Variants in ADAMTS19 observed in about 807,000 individuals in gnomAD.
ADAMTS19 encodes the protein A disintegrin and metalloproteinase with thrombospondin motifs 19.
A neutral mutation model predicts 153.3 loss-of-function variants in ADAMTS19; 93 were observed. The observed-to-expected ratio is 0.61, with a 90% CI of 0.51 to 0.72. ADAMTS19 has a LOEUF of 0.72. ADAMTS19 is among the 30% of genes least tolerant of loss of function. The pLI, the probability that ADAMTS19 is intolerant of heterozygous loss-of-function variation, is 0.00. For missense variants in ADAMTS19, 1,482 were observed against 1,552.1 expected, an observed-to-expected ratio of 0.95 and a Z score of 0.76; for synonymous variants, 600 against 556.6, an observed-to-expected ratio of 1.08 and a Z score of -1.10.
intron 2 of ADAMTS19, among the ~76,000 whole-genome samples, chr5:129,504,219 G>A (rs1751197202): frequency 6.6e-6 from 1 of 152,054 alleles, no homozygotes; most frequent in African/African-American, 2.4e-5. Context: ...TCCTCTATAA[G>A]GAGCATCCTT....
intron 8 of ADAMTS19, among the ~76,000 whole-genome samples, chr5:129,598,673 C>T (rs1422434095): frequency 6.6e-6 from 1 of 152,076 alleles, no homozygotes; most frequent in Non-Finnish European, 1.5e-5. Flanking sequence ...TAAGCATTAC[C>T]TCACATATTT....
At chr5:129,725,263 T>C (rs571310018) in intron 21 of ADAMTS19, among the ~76,000 whole-genome samples, 2 of 152,218 alleles carry the variant, frequency 1.3e-5, no homozygotes, top group African/African-American at 4.8e-5. Context: ...AGTGTGCAGT[T>C]TGACCTTTTG....
At chr5:129,632,865 T>A (rs1281818264) in intron 10 of ADAMTS19, among the ~76,000 whole-genome samples, 2 of 152,090 alleles carry the variant, frequency 1.3e-5, no homozygotes, top group African/African-American at 4.8e-5. Context: ...TGTGTCTACA[T>A]ATAATTTACT....
At chr5:129,540,704 A>T (rs1752626416) in intron 6 of ADAMTS19, among the ~76,000 whole-genome samples, 5 of 152,112 alleles carry the variant, frequency 3.3e-5, no homozygotes, top group Admixed American at 3.3e-4. Flanking sequence ...TTATAGGTAT[A>T]TCCCCAGGCA....
At chr5:129,463,140 T>C (rs558748892) in intron 2 of ADAMTS19, among the ~76,000 whole-genome samples, 38 of 152,344 alleles carry the variant, frequency 2.5e-4, no homozygotes, top group African/African-American at 8.9e-4. Flanking sequence ...GGGGAAAACA[T>C]TTTGTGGAGA....
chr5:129,636,369 A>G (rs2127010940), intron 10 of ADAMTS19, among the ~76,000 whole-genome samples: 1 of 152,312 alleles, frequency 6.6e-6, no homozygotes, highest in Admixed American at 6.5e-5. Context: ...TTAATTCTGT[A>G]TCATTTTCTT....
At chr5:129,552,963 C>T (rs1346621223) in intron 7 of ADAMTS19, among the ~76,000 whole-genome samples, 1 of 151,904 alleles carries the variant, frequency 6.6e-6, no homozygotes, top group Non-Finnish European at 1.5e-5. Flanking sequence ...GAGCTGGGCA[C>T]CTAAGGAAAA....
intron 7 of ADAMTS19, among the ~76,000 whole-genome samples, chr5:129,579,036 G>A (rs1389969454): frequency 6.6e-6 from 1 of 152,174 alleles, no homozygotes; most frequent in Non-Finnish European, 1.5e-5. Flanking sequence ...CACAATGGCT[G>A]AACTAGTTTA....
chr5:129,587,576 C>G (rs775379419), intron 7 of ADAMTS19, among the ~76,000 whole-genome samples: 6 of 152,136 alleles, frequency 3.9e-5, no homozygotes, highest in Non-Finnish European at 5.9e-5. Context: ...TAATTTGGGA[C>G]TGTATTGTGT....
chr5:129,532,466 A>G (rs920106742), intron 6 of ADAMTS19, among the ~76,000 whole-genome samples: 1 of 152,194 alleles, frequency 6.6e-6, no homozygotes, highest in African/African-American at 2.4e-5. Flanking sequence ...GATGGTGAGG[A>G]TATGGAACAC....
chr5:129,651,332 C>T (rs969747032), intron 13 of ADAMTS19, among the ~76,000 whole-genome samples: 1 of 152,152 alleles, frequency 6.6e-6, no homozygotes, highest in Non-Finnish European at 1.5e-5. Context: ...CTATTCATGT[C>T]CATTTGATCC....
intron 18 of ADAMTS19, among the ~76,000 whole-genome samples, chr5:129,693,437 T>G (rs1263419813): frequency 6.6e-6 from 1 of 152,160 alleles, no homozygotes; most frequent in East Asian, 1.9e-4. Context: ...GTACCCTAAC[T>G]AATGGGCCTT....
At chr5:129,472,230 T>C (rs972477902) in intron 2 of ADAMTS19, among the ~76,000 whole-genome samples, 1 of 152,224 alleles carries the variant, frequency 6.6e-6, no homozygotes, top group Non-Finnish European at 1.5e-5. Flanking sequence ...TTTTGACTTT[T>C]TAATAATAGC....
At chr5:129,463,161 C>T (rs1749744607) in intron 2 of ADAMTS19, among the ~76,000 whole-genome samples, 1 of 152,088 alleles carries the variant, frequency 6.6e-6, no homozygotes, top group Non-Finnish European at 1.5e-5. Context: ...TTTCATTGTC[C>T]ACTAGCTTTT....
chr5:129,507,868 A>C (rs991641783), intron 2 of ADAMTS19, among the ~76,000 whole-genome samples: 7 of 151,984 alleles, frequency 4.6e-5, no homozygotes, highest in African/African-American at 1.7e-4. Flanking sequence ...CAATAAAATG[A>C]GATTGATTAG....
At chr5:129,564,664 T>C (rs557622268) in intron 7 of ADAMTS19, among the ~76,000 whole-genome samples, 3 of 152,318 alleles carry the variant, frequency 2.0e-5, no homozygotes, top group South Asian at 4.1e-4. Flanking sequence ...AATATTCATT[T>C]CCCTTGTCCC....
intron 3 of ADAMTS19, among the ~76,000 whole-genome samples, chr5:129,510,258 G>T (rs1408848645): frequency 6.6e-6 from 1 of 151,696 alleles, no homozygotes; most frequent in Non-Finnish European, 1.5e-5. Flanking sequence ...GAGACCAGAG[G>T]ATGTCTATAT....
At chr5:129,697,997 T>C (rs1755639362) in intron 19 of ADAMTS19, among the ~76,000 whole-genome samples, 1 of 152,184 alleles carries the variant, frequency 6.6e-6, no homozygotes, top group South Asian at 2.1e-4. Flanking sequence ...AGTTGGTCTG[T>C]GAAGGAGCAG....
At chr5:129,685,199 T>C (rs1200659553) in intron 18 of ADAMTS19, among the ~76,000 whole-genome samples, 1 of 152,040 alleles carries the variant, frequency 6.6e-6, no homozygotes, top group Non-Finnish European at 1.5e-5. Context: ...AAAGACTTTA[T>C]GTATCCTTGG....
Sources: gnomAD v4.1 joint callset for allele counts (sites outside exome capture counted in the v4.1 genomes callset) on GRCh38, gnomAD v4.1.1 for gene constraint, MANE v1.5 for transcripts, NCBI Gene and HGNC (gene_info 2026-07-23, HGNC 2026-07-21) for gene names.